NPC1L1: variants seen among roughly 807,000 people sequenced by gnomAD.
NPC1L1 encodes NPC1-like intracellular cholesterol transporter 1.
NPC1L1 carries 98 observed loss-of-function variants against 117.0 expected under a neutral mutation model. The ratio of observed to expected loss-of-function variants is 0.84; its 90% confidence interval spans 0.71 to 0.99. The LOEUF is 0.99. NPC1L1 is among the 50% of genes least tolerant of loss of function. The probability of loss-of-function intolerance (pLI) is 0.00; values close to 1 mark genes in which losing one functional copy is unlikely to be tolerated. For synonymous variants in NPC1L1, 729 were observed against 727.6 expected (o/e 1.00, Z -0.03); for missense variants, 1,540 against 1,710.0 (o/e 0.90, Z 1.75).
chr7:44,533,655 A>T, intron 7 of NPC1L1, 84 bp downstream of exon 7: 1 of 1,604,898 alleles, frequency 6.2e-7, no homozygotes, highest in Non-Finnish European at 8.5e-7. Context: ...TCTGCACTAT[A>T]CCCACTGCCC....
Position 44,536,102 on chromosome 7 carries a change from G to C in NPC1L1, c.1855-134C>G. The C allele has an allele frequency of 1.9e-6, 3 of 1,542,612 alleles. No homozygotes were observed. The highest frequency in any genetic ancestry group is 2.7e-6 in the Non-Finnish European group (3 of 1,119,510). ...GATGGCCCCCTATAATCGCAGGTGA[G>C]GCTATAAGAACAGCCATCACAATCA... On this transcript the variant is annotated intron_variant, in intron 4 of 18. Transcript: ENST00000381160. This position sits in a 1 kb window ranked among gnomAD's most constrained non-coding sequence, Gnocchi z 4.7.
chr7:44,518,232 C>A (rs957665071), intron 14 of NPC1L1, among the ~76,000 whole-genome samples: 5 of 151,612 alleles, frequency 3.3e-5, no homozygotes, highest in Non-Finnish European at 5.9e-5. Flanking sequence ...TGCAGTGGTG[C>A]GATCTTGGCT....
chr7:44,521,785 C>G lies in NPC1L1; in HGVS notation c.2880G>C (p.Trp960Cys). ...GGCGGCAGCAGGAGGACGGGGTCAG[C>G]CAGTCAATGAAGTCATCCACCCAGG... is the stretch of plus-strand genomic sequence containing the variant. ...ASSWVDDFID[W>C]LTPSSCCRLY... Residue 960 changes from tryptophan (W) to cysteine (C), a missense_variant, in exon 12 of 19, where the codon TGG becomes TGC. Trp to Cys is a radical substitution (Grantham distance 215). Coordinates refer to ENST00000381160, the MANE Select transcript of NPC1L1 (RefSeq NM_001101648.2). The G allele has an allele frequency of 6.2e-7, 1 of 1,614,078 alleles. No individual in the cohort carries two copies. Among genetic ancestry groups the G allele is most frequent in the Non-Finnish European group, 8.5e-7 (1 of 1,180,016 alleles).
intron 10 of NPC1L1, among the ~76,000 whole-genome samples, chr7:44,522,449 TC>T (rs1801391355): frequency 6.6e-6 from 1 of 151,998 alleles, no homozygotes. Flanking sequence ...AGTGGGACAC[TC>T]AGAGATATAC....
At position 44,541,235 on chromosome 7, in the gene NPC1L1, A is replaced by T. The variant is rs1308333529; in HGVS notation, c.25T>A (p.Trp9Arg). 1.3e-6 allele frequency: 2 copies of T among 1,550,008 alleles called. No homozygotes were observed. Among genetic ancestry groups the T allele is most frequent in the Non-Finnish European group, 1.7e-6 (2 of 1,146,812 alleles). The change falls in exon 1 of 19, where the codon TGG becomes AGG. Residue 9 changes from tryptophan to arginine, a missense_variant. Around this residue, in one of 3 missense-constraint regions of NPC1L1, gnomAD observed 793 missense variants for 820.4 expected, o/e 0.97. Coordinates refer to ENST00000381160, the MANE Select transcript of NPC1L1 (RefSeq NM_001101648.2). MAEAGLRG[W>R]LLWALLLRLA... ...CGCAGGAGCAGGGCCCACAGCAGCCAGCCCCTCAGGCCGGCCTCCGCCATC... is the reference window on the plus strand; with the variant it reads ...CGCAGGAGCAGGGCCCACAGCAGCCTGCCCCTCAGGCCGGCCTCCGCCATC...
chr7:44,517,285 C>A lies in NPC1L1; in HGVS notation c.3209G>T (p.Arg1070Leu), dbSNP rs113685882. ...QDYTEALRAA[R>L]ELAANITADL... ...AGCAGTGATGTTGGCTGCCAGCTCT[C>A]GAGCTGCCCGCAGAGCTTCTGTGTA... The change falls in exon 15 of 19, where the codon CGA becomes CTA. Residue 1070 changes from arginine (R) to leucine (L), a missense_variant. Arg to Leu is a moderately radical substitution (Grantham distance 102, BLOSUM62 -2). This residue lies in a region of NPC1L1 where 742 missense variants were observed against 873.6 expected (regional missense o/e 0.85). Transcript: ENST00000381160. 1 of 1,614,162 alleles carries A rather than the reference C, an allele frequency of 6.2e-7. No homozygotes were observed. The highest frequency in any genetic ancestry group is 1.3e-5 in the African/African-American group (1 of 75,038).
At position 44,536,970 on chromosome 7, in the gene NPC1L1, G is replaced by C. The variant is rs1801918937; in HGVS notation, c.1581-28C>G. 6.3e-7 allele frequency: 1 copy of C among 1,599,072 alleles called. No individual in the cohort carries two copies. Among genetic ancestry groups the C allele is most frequent in the Non-Finnish European group, 8.6e-7 (1 of 1,168,346 alleles). ...AGAGGGAGATGACCGCAAAGGGAAA[G>C]GGCCTTTCCTGGCCCTGCCCAGTCC... is the stretch of plus-strand genomic sequence containing the variant. On this transcript the variant is annotated intron_variant, in intron 2 of 18. Transcript: ENST00000381160. The surrounding 1 kb of genome is among the most constrained non-coding windows in gnomAD (Gnocchi z 4.7).
At chr7:44,541,006 C>G (rs188625302) in intron 1 of NPC1L1, among the ~76,000 whole-genome samples, 200 bp downstream of exon 1, 154 of 152,258 alleles carry the variant, frequency 1.0e-3, no homozygotes, top group Non-Finnish European at 1.8e-3. Flanking sequence ...TGTGTGCATT[C>G]AAGCCTGTAA....
rs1055395338 is a variant in NPC1L1, at chr7:44,533,733, G to C, written c.2281+6C>G. ...TGCCGAGTGGGGAGGTCTCACCCAGGCTCACCTAGGAAGAAGCAGATGGCC... is the reference window on the plus strand; with the variant it reads ...TGCCGAGTGGGGAGGTCTCACCCAGCCTCACCTAGGAAGAAGCAGATGGCC... On this transcript the variant is annotated splice_donor_region_variant and intron_variant, in intron 7 of 18. Transcript: ENST00000381160. 2 of 1,613,416 alleles carry C rather than the reference G, an allele frequency of 1.2e-6. No homozygotes were observed. Among genetic ancestry groups the C allele is most frequent in the African/African-American group, 2.7e-5 (2 of 74,924 alleles).
At chr7:44,521,177 T>C (rs987274503) in intron 12 of NPC1L1, 59 bp from the exon 13 acceptor site, 13 of 1,610,976 alleles carry the variant, frequency 8.1e-6, no homozygotes, top group African/African-American at 1.3e-5. Flanking sequence ...TCCTGCTTTG[T>C]GCCCCTCCTT....
At position 44,516,812 on chromosome 7, in the gene NPC1L1, G is replaced by T; in HGVS notation, c.3410C>A (p.Ser1137Tyr). The T allele has an allele frequency of 6.2e-7, 1 of 1,614,124 alleles. No individual in the cohort carries two copies. Among genetic ancestry groups the T allele is most frequent in the Non-Finnish European group, 8.5e-7 (1 of 1,180,018 alleles). ...AATGGAGAGCAGGTTGAGGAGGCCG[G>T]AGCGCAGGTCCAGGCCCAGCAGGAG... The part of the protein sequence containing the change: ...SCLLLGLDLR[S>Y]GLLNLLSIVM... The change falls in exon 16 of 19, where the codon TCC (serine) becomes TAC (tyrosine). Residue 1137 changes from serine (S) to tyrosine (Y), a missense_variant. Physicochemically the swap from Ser to Tyr is moderately radical, Grantham distance 144. This residue lies in a region of NPC1L1 where 742 missense variants were observed against 873.6 expected (regional missense o/e 0.85). Transcript: ENST00000381160.
Position 44,536,878 on chromosome 7 carries a change from G to T in NPC1L1, c.1645C>A (p.Pro549Thr). The T allele has an allele frequency of 6.2e-7, 1 of 1,614,144 alleles. No individual in the cohort carries two copies. Among genetic ancestry groups the T allele is most frequent in the South Asian group, 1.1e-5 (1 of 91,078 alleles). The change falls in exon 3 of 19, where the codon CCT becomes ACT. Residue 549 changes from proline (P) to threonine (T), a missense_variant. This residue lies in a region of NPC1L1 where 793 missense variants were observed against 820.4 expected (regional missense o/e 0.97). Coordinates refer to ENST00000381160, the MANE Select transcript of NPC1L1 (RefSeq NM_001101648.2). This position sits in a 1 kb window ranked among gnomAD's most constrained non-coding sequence, Gnocchi z 4.7. ...CCAATGGCAAGGAAGGGGAAGACAG[G>T]GGCCCCGTAGTCAGCCATGCAGCTC... ...ALSCMADYGA[P>T]VFPFLAIGGY...
Position 44,533,455 on chromosome 7 carries a change from G to T in NPC1L1, c.2385C>A (p.Leu795=). The part of the protein sequence containing the change: ...LLQMSAFVAL[L]SLDSKRQEAS... Reference sequence around the variant, plus strand: ...CCTCCTGCCTCTTGCTGTCCAGGGAGAGCAGGGCCACAAAGGCTGACATCT... The same window carrying T: ...CCTCCTGCCTCTTGCTGTCCAGGGATAGCAGGGCCACAAAGGCTGACATCT... The change falls in exon 8 of 19, where the codon CTC becomes CTA. Residue 795 remains leucine (L), a synonymous_variant. Transcript: ENST00000381160. 3 of 1,614,040 alleles carry T rather than the reference G, an allele frequency of 1.9e-6. No homozygotes were observed. The highest frequency in any genetic ancestry group is 2.5e-6 in the Non-Finnish European group (3 of 1,179,974).
intron 14 of NPC1L1, chr7:44,518,803 G>T: frequency 2.1e-6 from 2 of 948,490 alleles, no homozygotes; most frequent in Non-Finnish European, 2.6e-6. Flanking sequence ...CAGAGCAGGG[G>T]AGGTGCCTGG....
intron 10 of NPC1L1, among the ~76,000 whole-genome samples, chr7:44,526,498 G>A (rs1467878859): frequency 4.2e-5 from 6 of 141,416 alleles, no homozygotes; most frequent in African/African-American, 8.1e-5. Flanking sequence ...GCAGTGAGCC[G>A]AGATCACACC....
In NPC1L1 at chr7:44,539,984, T is replaced by C. The variant is rs766316882; in HGVS notation, c.413A>G (p.Asn138Ser). ...TCSPNQSLFI[N>S]VTRVAQLGAG... Reference sequence around the variant, plus strand: ...CCCTAGCTGGGCCACGCGGGTCACATTGATGAAGAGGCTCTGATTGGGGCT... The same window carrying C: ...CCCTAGCTGGGCCACGCGGGTCACACTGATGAAGAGGCTCTGATTGGGGCT... Residue 138 changes from asparagine to serine, a missense_variant, in exon 2 of 19, where the codon AAT becomes AGT. This residue lies in a region of NPC1L1 where 793 missense variants were observed against 820.4 expected (regional missense o/e 0.97). Coordinates refer to ENST00000381160, the MANE Select transcript of NPC1L1 (RefSeq NM_001101648.2). This position sits in a 1 kb window ranked among gnomAD's most constrained non-coding sequence, Gnocchi z 4.4. 17 of 1,614,100 alleles carry C rather than the reference T, an allele frequency of 1.1e-5. No individual in the cohort carries two copies. The highest frequency in any genetic ancestry group is 1.6e-4 in the Middle Eastern group (1 of 6,062).
chr7:44,541,071 G>A (rs1420941271), intron 1 of NPC1L1, 135 bp downstream of exon 1: 2 of 932,992 alleles, frequency 2.1e-6, no homozygotes, highest in African/African-American at 3.3e-5. Context: ...TCCCTCATGT[G>A]TCCAGAGACT....
intron 14 of NPC1L1, 77 bp downstream of exon 14, chr7:44,520,688 G>T: frequency 8.1e-7 from 1 of 1,230,580 alleles, no homozygotes; most frequent in Non-Finnish European, 1.2e-6. Context: ...ACATGTGACA[G>T]GCTGTTCCCT....
In NPC1L1 at chr7:44,538,727, A is replaced by G. The variant is rs1230997102; in HGVS notation, c.1580+90T>C. 16 of 1,309,884 alleles carry G rather than the reference A, an allele frequency of 1.2e-5. No individual in the cohort carries two copies. In the African/African-American group the frequency reaches 2.3e-4, roughly 19 times the overall value. 81.1% of individuals were successfully genotyped at this position (1,309,884 alleles called of 1,614,324 possible). A position where few individuals can be genotyped will look rare whatever the true frequency, so the allele number is the denominator to read the frequency against. Reference sequence around the variant, plus strand: ...TAGCTACCTCTGGTCCTTCAGGACCAGCTGTATGCCCGGCCAGGTTCCCAG... The same window carrying G: ...TAGCTACCTCTGGTCCTTCAGGACCGGCTGTATGCCCGGCCAGGTTCCCAG... On this transcript the variant is annotated intron_variant, in intron 2 of 18. Transcript: ENST00000381160. This position sits in a 1 kb window ranked among gnomAD's most constrained non-coding sequence, Gnocchi z 5.9.
Sources: allele counts gnomAD v4.1 joint callset (sites outside exome capture counted in the v4.1 genomes callset), GRCh38; gene constraint gnomAD v4.1.1; regional missense constraint gnomAD v4.1.1; non-coding constraint Gnocchi (gnomAD v3.1); transcripts MANE v1.5; gene names NCBI Gene and HGNC (gene_info 2026-07-23, HGNC 2026-07-21).